The following SLIT1 variants were observed in gnomAD, a reference collection of about 807,000 sequenced individuals.
SLIT1 encodes the protein slit guidance ligand 1.
A neutral mutation model predicts 186.1 loss-of-function variants in SLIT1; 66 were observed. That is an observed-to-expected ratio of 0.35 (90% CI 0.29 to 0.44). SLIT1 has a LOEUF of 0.44. SLIT1 is among the 20% of genes least tolerant of loss of function. The pLI is 1.00. For missense variants in SLIT1, 1,638 were observed against 2,037.4 expected (o/e 0.80, Z 3.77); for synonymous variants, 761 against 833.8 (o/e 0.91, Z 1.50).
At chr10:97,072,967 T>A (rs1005279972) in intron 4 of SLIT1, among the ~76,000 whole-genome samples, 6 of 152,372 alleles carry the variant, frequency 3.9e-5, no homozygotes, top group Admixed American at 2.0e-4. Flanking sequence ...AAATGCGGGC[T>A]GTTGTCCCTG....
intron 4 of SLIT1, among the ~76,000 whole-genome samples, chr10:97,071,183 A>T (rs1463900215): frequency 6.6e-6 from 1 of 152,214 alleles, no homozygotes; most frequent in Non-Finnish European, 1.5e-5. Flanking sequence ...GTTGCTGGCC[A>T]TACACCTACT....
chr10:97,062,893 G>T (rs1043428620), intron 8 of SLIT1, among the ~76,000 whole-genome samples: 5 of 152,246 alleles, frequency 3.3e-5, no homozygotes, highest in African/African-American at 9.6e-5. Context: ...TAGGCAACCA[G>T]TCAGGAGGCT....
intron 1 of SLIT1, among the ~76,000 whole-genome samples, chr10:97,173,567 C>G: frequency 6.7e-6 from 1 of 149,318 alleles, no homozygotes; most frequent in East Asian, 2.0e-4. Flanking sequence ...GGCATGATCA[C>G]AGCTCACTGC....
Position 97,046,227 on chromosome 10 carries a change from T to C in SLIT1, c.1853+427A>G, listed in dbSNP as rs188460091. ...GGTCAGCTCAGGCTGGGCTGTGGGT[T>C]ATGGGATCCTAGCATCTCAGGGACA... On this transcript the variant is annotated intron_variant, in intron 18 of 36. Transcript: ENST00000266058. Among the ~76,000 whole-genome samples, 327 of 152,236 alleles carry C rather than the reference T, an allele frequency of 2.1e-3. 3 individuals are homozygous for C. The Middle Eastern group carries it at 0.024, about 11-fold the overall frequency.
chr10:97,140,920 G>A (rs1462274391), intron 4 of SLIT1, among the ~76,000 whole-genome samples: 2 of 152,216 alleles, frequency 1.3e-5, no homozygotes, highest in Non-Finnish European at 2.9e-5. Flanking sequence ...CACTTTGCTA[G>A]AGGGGATGGC....
At chr10:97,081,875 A>C (rs1197572443) in intron 4 of SLIT1, among the ~76,000 whole-genome samples, 1 of 152,176 alleles carries the variant, frequency 6.6e-6, no homozygotes, top group Non-Finnish European at 1.5e-5. Flanking sequence ...GCTCAGGGCT[A>C]AAGACTCACC....
intron 1 of SLIT1, among the ~76,000 whole-genome samples, chr10:97,175,850 T>G (rs922989749): frequency 2.6e-5 from 4 of 152,090 alleles, no homozygotes; most frequent in African/African-American, 9.7e-5. Context: ...TGCCCAACTC[T>G]GCTCACCACG....
chr10:97,057,943 A>C (rs1470152232), intron 11 of SLIT1: 1 of 716,520 alleles, frequency 1.4e-6, no homozygotes, highest in South Asian at 1.5e-5. Flanking sequence ...GGACCCCACA[A>C]GCTACCCTCG....
intron 4 of SLIT1, among the ~76,000 whole-genome samples, chr10:97,093,934 C>G (rs1371689153): frequency 6.6e-6 from 1 of 152,216 alleles, no homozygotes; most frequent in East Asian, 1.9e-4. Flanking sequence ...TTCCCTTAGG[C>G]TGGTGACAAG....
intron 30 of SLIT1, 136 bp downstream of exon 30, chr10:97,013,605 C>T (rs958595806): frequency 4.4e-6 from 3 of 675,970 alleles, no homozygotes; most frequent in Non-Finnish European, 7.8e-6. Context: ...CATGGATTCT[C>T]AGGAACCCTG....
chr10:97,166,055 C>G (rs1029488543), intron 1 of SLIT1, among the ~76,000 whole-genome samples: 2 of 152,102 alleles, frequency 1.3e-5, no homozygotes, highest in Non-Finnish European at 2.9e-5. Flanking sequence ...CTCGCCTGCT[C>G]CTCTTCCTCA....
chr10:97,050,581 AG>A (rs1386895646), intron 13 of SLIT1, among the ~76,000 whole-genome samples: 2 of 152,178 alleles, frequency 1.3e-5, no homozygotes, highest in African/African-American at 4.8e-5. Flanking sequence ...TTGCACAGAG[AG>A]GATGTGTTTG....
intron 4 of SLIT1, among the ~76,000 whole-genome samples, chr10:97,155,962 T>C (rs559701788): frequency 6.6e-5 from 10 of 152,306 alleles, no homozygotes; most frequent in African/African-American, 2.4e-4. Context: ...ATGGACCACA[T>C]AGACCAGTGC....
intron 4 of SLIT1, among the ~76,000 whole-genome samples, chr10:97,105,755 G>A (rs957111734): frequency 6.6e-6 from 1 of 152,188 alleles, no homozygotes; most frequent in Non-Finnish European, 1.5e-5. Flanking sequence ...CATGGACATT[G>A]TTAGCCGTGG....
intron 1 of SLIT1, among the ~76,000 whole-genome samples, chr10:97,176,416 A>G (rs1232341377): frequency 6.6e-6 from 1 of 151,912 alleles, no homozygotes; most frequent in Non-Finnish European, 1.5e-5. Context: ...ACATTCCCCA[A>G]GACCCCTGGC....
Position 97,164,808 on chromosome 10 carries a change from C to T in SLIT1, c.269+11G>A. On this transcript the variant is annotated intron_variant, in intron 2 of 36. Coordinates refer to ENST00000266058, the MANE Select transcript of SLIT1 (RefSeq NM_003061.3). ...CCAGGGGTGGGGTGGGAGGGAGCAC[C>T]CCATACTCACAGCACCCGCAGCTGC... 6.2e-7 allele frequency: 1 copy of T among 1,607,916 alleles called. No homozygotes were observed. The highest frequency in any genetic ancestry group is 8.5e-7 in the Non-Finnish European group (1 of 1,174,566).
At chr10:97,089,333 G>A (rs916254123) in intron 4 of SLIT1, among the ~76,000 whole-genome samples, 3 of 152,330 alleles carry the variant, frequency 2.0e-5, no homozygotes, top group South Asian at 2.1e-4. Context: ...TTGGGACTTC[G>A]CTTTTTGCAG....
intron 4 of SLIT1, among the ~76,000 whole-genome samples, chr10:97,075,197 G>T (rs963955268): frequency 6.6e-6 from 1 of 152,206 alleles, no homozygotes; most frequent in Non-Finnish European, 1.5e-5. Flanking sequence ...CACCTCATCT[G>T]GGGGCTTAGA....
At position 97,136,935 on chromosome 10, in the gene SLIT1, C is replaced by T. The variant is rs186531418; in HGVS notation, c.413+20883G>A. On this transcript the variant is annotated intron_variant, in intron 4 of 36. Transcript: ENST00000266058. Reference sequence around the variant, plus strand: ...CAAGTCCTCCCTGTTAGAGTCAAAACGGATAACTGTCAAGGTCTCACCCTC... The same window carrying T: ...CAAGTCCTCCCTGTTAGAGTCAAAATGGATAACTGTCAAGGTCTCACCCTC... Among the ~76,000 whole-genome samples the T allele has an allele frequency of 3.0e-4, 46 of 152,250 alleles. No individual in the cohort carries two copies. The East Asian group carries it at 5.8e-3, about 19-fold the overall frequency.
Sources: gnomAD v4.1 joint callset for allele counts (sites outside exome capture counted in the v4.1 genomes callset) on GRCh38, gnomAD v4.1.1 for gene constraint, MANE v1.5 for transcripts, NCBI Gene and HGNC (gene_info 2026-07-23, HGNC 2026-07-21) for gene names.